Variants in ACOXL observed in about 807,000 individuals in gnomAD.
The protein encoded by ACOXL is acyl-CoA oxidase like.
In ACOXL, 70 loss-of-function variants were observed where a neutral mutation model predicts 71.9. The observed-to-expected ratio is 0.97, with a 90% CI of 0.80 to 1.19. ACOXL has a LOEUF of 1.19. Among genes scored for constraint, ACOXL ranks in the 50% most tolerant of loss-of-function variants. The pLI, the probability that ACOXL is intolerant of heterozygous loss-of-function variation, is 0.00. For synonymous variants in ACOXL, 253 were observed against 281.6 expected (o/e 0.90, Z 1.02); for missense variants, 703 against 736.3 (o/e 0.95, Z 0.52).
chr2:111,073,299 G>GCCAAACCTAAGAA (rs1168505853), intron 16 of ACOXL, among the ~76,000 whole-genome samples: 1,661 of 152,134 alleles, frequency 0.011, 25 homozygotes, highest in African/African-American at 0.037. Flanking sequence ...CATGAGTTAT[G>GCCAAACCTAAGAA]CTTTTGATGC....
intron 12 of ACOXL, among the ~76,000 whole-genome samples, chr2:110,959,274 G>A (rs956239582): frequency 5.9e-5 from 9 of 152,220 alleles, no homozygotes; most frequent in Admixed American, 5.9e-4. Flanking sequence ...CAGGCGGGAG[G>A]CTGTCGGCTC....
intron 10 of ACOXL, among the ~76,000 whole-genome samples, chr2:110,903,550 C>CT (rs534898079): frequency 2.5e-4 from 38 of 152,118 alleles, no homozygotes; most frequent in Non-Finnish European, 4.7e-4. Context: ...AGCTAAGTGA[C>CT]TTTTTTTTGG....
chr2:110,845,473 G>A (rs1691709416), intron 10 of ACOXL, among the ~76,000 whole-genome samples: 1 of 152,164 alleles, frequency 6.6e-6, no homozygotes, highest in Non-Finnish European at 1.5e-5. Flanking sequence ...TAAGTGTATA[G>A]TTTAGTGGCA....
intron 16 of ACOXL, among the ~76,000 whole-genome samples, chr2:111,083,163 C>A (rs1434404195): frequency 6.6e-6 from 1 of 152,034 alleles, no homozygotes; most frequent in African/African-American, 2.4e-5. Context: ...GCGCATGTAT[C>A]CCAGAACTTA....
In ACOXL at chr2:110,938,442, C is replaced by T. The variant is rs961235340; in HGVS notation, c.1059+4800C>T. Among the ~76,000 whole-genome samples, 31 of 152,228 alleles carry T rather than the reference C, an allele frequency of 2.0e-4. 1 individual carries two copies. Among genetic ancestry groups the T allele is most frequent in the Admixed American group, 1.4e-3 (22 of 15,282 alleles). ...CAGTGCACAGAGGCTCAGCCTGCAGCACTGCAGCATGGTGCTTGGCACATA... is the reference window on the plus strand; with the variant it reads ...CAGTGCACAGAGGCTCAGCCTGCAGTACTGCAGCATGGTGCTTGGCACATA... On this transcript the variant is annotated intron_variant, in intron 12 of 17. Coordinates refer to ENST00000439055, the MANE Select transcript of ACOXL (RefSeq NM_001142807.4).
chr2:110,762,500 G>A (rs576495037), intron 1 of ACOXL, among the ~76,000 whole-genome samples: 3 of 151,516 alleles, frequency 2.0e-5, no homozygotes, highest in South Asian at 2.1e-4. Context: ...AGGGTATATC[G>A]CATTCTATAT....
chr2:110,790,095 G>C (rs1192626414), intron 3 of ACOXL, among the ~76,000 whole-genome samples: 1 of 152,214 alleles, frequency 6.6e-6, no homozygotes, highest in African/African-American at 2.4e-5. Flanking sequence ...GCTGTGTGTA[G>C]ATTTAAATCA....
chr2:110,762,435 G>C (rs1173314367), intron 1 of ACOXL, among the ~76,000 whole-genome samples: 1 of 151,398 alleles, frequency 6.6e-6, no homozygotes, highest in Non-Finnish European at 1.5e-5. Context: ...TTACCTTCCT[G>C]TAGATTATTT....
intron 2 of ACOXL, among the ~76,000 whole-genome samples, chr2:110,775,059 T>C (rs925642245): frequency 6.6e-6 from 1 of 152,178 alleles, no homozygotes; most frequent in African/African-American, 2.4e-5. Context: ...CCAAGACCAT[T>C]CAGTGAGGAA....
chr2:110,970,595 T>C (rs1347237828), intron 12 of ACOXL, among the ~76,000 whole-genome samples: 1 of 152,226 alleles, frequency 6.6e-6, no homozygotes, highest in African/African-American at 2.4e-5. Flanking sequence ...TCCACTGTTA[T>C]TCAACTAGTG....
chr2:111,105,326 T>C (rs2069461909), intron 17 of ACOXL, among the ~76,000 whole-genome samples: 1 of 152,154 alleles, frequency 6.6e-6, no homozygotes, highest in Non-Finnish European at 1.5e-5. Context: ...CTTTGCCTTT[T>C]TATAGAAATT....
At chr2:110,777,361 A>T (rs980192593) in intron 2 of ACOXL, among the ~76,000 whole-genome samples, 1 of 152,226 alleles carries the variant, frequency 6.6e-6, no homozygotes, top group Non-Finnish European at 1.5e-5. Context: ...AGCATTTTAC[A>T]TACATTACTC....
rs146608409 is a variant in ACOXL, at chr2:110,838,807, A to C, written c.754-2564A>C. 4.9e-3 allele frequency among the ~76,000 whole-genome samples: 750 copies of C among 152,032 alleles called. 3 individuals carry two copies. Among genetic ancestry groups the C allele is most frequent in the Non-Finnish European group, 7.9e-3 (537 of 67,972 alleles). On this transcript the variant is annotated intron_variant, in intron 9 of 17. Coordinates refer to ENST00000439055, the MANE Select transcript of ACOXL (RefSeq NM_001142807.4). ...ACTGTGAAATACCCTGTTCCCATCC[A>C]CCCTGGAAGTGGGTTCCCACATAGC...
intron 10 of ACOXL, among the ~76,000 whole-genome samples, chr2:110,867,189 A>G (rs13429892): frequency 0.33 from 50,876 of 151,946 alleles, 8,650 homozygotes; most frequent in Middle Eastern, 0.4. Flanking sequence ...TGAGGGAGGC[A>G]AGGAAGGGAG....
rs1259905867 is a variant in ACOXL, at chr2:111,089,787, G to C, written c.1441-3078G>C. On this transcript the variant is annotated intron_variant, in intron 16 of 17. Transcript: ENST00000439055. Reference sequence around the variant, plus strand: ...TATACTAACTATAAAAGCACATTCTGCCTTGCTTTGCATGTAAAAGTATAG... The same window carrying C: ...TATACTAACTATAAAAGCACATTCTCCCTTGCTTTGCATGTAAAAGTATAG... Among the ~76,000 whole-genome samples, 4 of 152,136 alleles carry C rather than the reference G, an allele frequency of 2.6e-5. No individual in the cohort carries two copies. The East Asian group carries it at 7.7e-4, about 29-fold the overall frequency.
intron 12 of ACOXL, among the ~76,000 whole-genome samples, chr2:110,982,994 A>G (rs1026261155): frequency 6.6e-6 from 1 of 152,230 alleles, no homozygotes; most frequent in Non-Finnish European, 1.5e-5. Context: ...CAGTCTACCT[A>G]GGGCTCCTTG....
At chr2:110,775,831 A>C (rs1291105540) in intron 2 of ACOXL, among the ~76,000 whole-genome samples, 1 of 152,234 alleles carries the variant, frequency 6.6e-6, no homozygotes, top group Non-Finnish European at 1.5e-5. Context: ...TGATGTAGCC[A>C]CTGGGGAACA....
At chr2:110,807,271 A>G (rs1295157529) in intron 9 of ACOXL, among the ~76,000 whole-genome samples, 1 of 152,210 alleles carries the variant, frequency 6.6e-6, no homozygotes, top group East Asian at 1.9e-4. Context: ...TCATGTGTGA[A>G]ATGGGTCTTA....
intron 9 of ACOXL, among the ~76,000 whole-genome samples, chr2:110,840,943 C>G (rs1358819377): frequency 6.6e-6 from 1 of 152,146 alleles, no homozygotes; most frequent in Non-Finnish European, 1.5e-5. Context: ...AGAGGGGGGA[C>G]CAGCTCCCAG....
Sources: allele counts gnomAD v4.1 joint callset (sites outside exome capture counted in the v4.1 genomes callset), GRCh38; gene constraint gnomAD v4.1.1; transcripts MANE v1.5; gene names NCBI Gene and HGNC (gene_info 2026-07-23, HGNC 2026-07-21).